Variants in FGF12 observed in about 807,000 individuals in gnomAD.
FGF12 encodes the protein fibroblast growth factor 12B.
A neutral mutation model predicts 23.6 loss-of-function variants in FGF12; 14 were observed. The ratio of observed to expected loss-of-function variants is 0.59; its 90% confidence interval spans 0.39 to 0.93. The LOEUF (loss-of-function observed/expected upper bound fraction) is 0.93, where lower values mean the gene tolerates loss of function less well. Ranked by LOEUF, FGF12 falls within the 40% of genes least tolerant of loss-of-function variation. The pLI is 0.00. For missense variants in FGF12, 175 were observed against 217.8 expected (o/e 0.80, Z 1.24); for synonymous variants, 62 against 77.3 (o/e 0.80, Z 1.04).
intron 2 of FGF12, among the ~76,000 whole-genome samples, chr3:192,375,686 C>G (rs1230384527): frequency 6.6e-6 from 1 of 150,502 alleles, no homozygotes. Flanking sequence ...AGACTCAACC[C>G]CCTCTTTGTG....
chr3:192,493,655 C>A (rs2108827820), intron 2 of FGF12, among the ~76,000 whole-genome samples: 1 of 152,200 alleles, frequency 6.6e-6, no homozygotes, highest in South Asian at 2.1e-4. Context: ...AACTTACAAT[C>A]ACGGCAGAAG....
intron 4 of FGF12, among the ~76,000 whole-genome samples, chr3:192,204,743 G>C (rs573821061): frequency 3.6e-4 from 55 of 152,152 alleles, no homozygotes; most frequent in Non-Finnish European, 5.3e-4. Context: ...AAAATGAGCT[G>C]GGCGTGGTAG....
intron 2 of FGF12, among the ~76,000 whole-genome samples, chr3:192,386,291 T>C (rs938104157): frequency 2.6e-5 from 4 of 152,218 alleles, no homozygotes; most frequent in Admixed American, 2.6e-4. Context: ...TGTTGGTGTG[T>C]AATTATACAT....
chr3:192,538,706 T>C (rs1000737742), intron 2 of FGF12, among the ~76,000 whole-genome samples: 1 of 152,200 alleles, frequency 6.6e-6, no homozygotes, highest in Non-Finnish European at 1.5e-5. Context: ...AGGACTTGCA[T>C]GGAGTCTGTA....
rs1721100906 is a variant in FGF12 at position 192,409,286 on chromosome 3, C to T, written c.14-48748G>A. Among the ~76,000 whole-genome samples, 1 of 152,210 alleles carries T rather than the reference C, an allele frequency of 6.6e-6. No homozygotes were observed. Among genetic ancestry groups the T allele is most frequent in the Non-Finnish European group, 1.5e-5 (1 of 68,036 alleles). On this transcript the variant is annotated intron_variant, in intron 2 of 5. Coordinates refer to ENST00000445105, the MANE Select transcript of FGF12 (RefSeq NM_004113.6). This position sits in a 1 kb window ranked among gnomAD's most constrained non-coding sequence, Gnocchi z 4.8. ...TTAAATAAGCCCCCTCAAAAGGCAG[C>T]GATGCCGAAGGTGTCCTCTCCAGCT...
chr3:192,275,143 A>G (rs1713699475), intron 4 of FGF12, among the ~76,000 whole-genome samples: 1 of 152,154 alleles, frequency 6.6e-6, no homozygotes, highest in African/African-American at 2.4e-5. Context: ...ATAGGAAGCC[A>G]TTCGTTTAGA....
Position 192,330,151 on chromosome 3 carries a change from G to T in FGF12, c.228+5210C>A, listed in dbSNP as rs75420054. 4.0e-3 allele frequency among the ~76,000 whole-genome samples: 601 copies of T among 152,028 alleles called. 2 individuals are homozygous for T. The highest frequency in any genetic ancestry group is 0.014 in the African/African-American group (575 of 41,458). On this transcript the variant is annotated intron_variant, in intron 4 of 5. Transcript: ENST00000445105. ...ATATTCTTCAAATGTCCATACTACC[G>T]GAGACAATCTACATATTCAATACAA... is the stretch of plus-strand genomic sequence containing the variant.
chr3:192,461,914 C>T (rs550340270), intron 2 of FGF12, among the ~76,000 whole-genome samples: 86 of 151,666 alleles, frequency 5.7e-4, no homozygotes, highest in African/African-American at 2.0e-3. Context: ...CGCTTGAACC[C>T]GGGAGGTGGA....
chr3:192,308,853 T>C (rs927473522), intron 4 of FGF12, among the ~76,000 whole-genome samples: 3 of 152,180 alleles, frequency 2.0e-5, no homozygotes, highest in Admixed American at 6.5e-5. Flanking sequence ...GAATGTTAAA[T>C]ATTCTAGAAT....
intron 4 of FGF12, among the ~76,000 whole-genome samples, chr3:192,274,105 T>C (rs1361423016): frequency 6.6e-6 from 1 of 152,160 alleles, no homozygotes; most frequent in African/African-American, 2.4e-5. Flanking sequence ...TACTCTATTT[T>C]TAAAGGTACT....
intron 2 of FGF12, among the ~76,000 whole-genome samples, chr3:192,709,451 G>A (rs1024076810): frequency 4.6e-5 from 7 of 152,176 alleles, no homozygotes; most frequent in Non-Finnish European, 5.9e-5. Context: ...CAGAGCTACT[G>A]ATTAAAATTT....
intron 4 of FGF12, among the ~76,000 whole-genome samples, chr3:192,236,564 A>G (rs1458001888): frequency 2.0e-5 from 3 of 152,196 alleles, no homozygotes; most frequent in Non-Finnish European, 4.4e-5. Flanking sequence ...CATATTTAGT[A>G]TAGTTTTCAT....
chr3:192,426,557 C>T (rs1445201994), intron 2 of FGF12, among the ~76,000 whole-genome samples: 1 of 152,066 alleles, frequency 6.6e-6, no homozygotes, highest in African/African-American at 2.4e-5. Context: ...TTATATTTTA[C>T]CCCAGAGATG....
At position 192,258,141 on chromosome 3, in the gene FGF12, A is replaced by G. The variant is rs140078332; in HGVS notation, c.228+77220T>C. ...AGGAAAATTTTGCATGAGGAAAAAT[A>G]TAAGACACGACAATAAATATAATTT... On this transcript the variant is annotated intron_variant, in intron 4 of 5. Transcript: ENST00000445105. Among the ~76,000 whole-genome samples the G allele has an allele frequency of 7.4e-3, 1,123 of 152,222 alleles. 14 individuals carry two copies. Among genetic ancestry groups the G allele is most frequent in the African/African-American group, 0.025 (1,057 of 41,540 alleles).
At chr3:192,528,125 C>T (rs1171516100) in intron 2 of FGF12, among the ~76,000 whole-genome samples, 1 of 152,158 alleles carries the variant, frequency 6.6e-6, no homozygotes, top group Non-Finnish European at 1.5e-5. Context: ...AGTCATAACT[C>T]ATTTCAGCAT....
chr3:192,507,371 ACACACACACATAC>A (rs902004131), intron 2 of FGF12, among the ~76,000 whole-genome samples: 2 of 149,828 alleles, frequency 1.3e-5, no homozygotes, highest in Non-Finnish European at 3.0e-5. Flanking sequence ...ACACACACAC[ACACACACACATAC>A]AAGCACACAG....
intron 5 of FGF12, among the ~76,000 whole-genome samples, chr3:192,156,985 G>T (rs193210725): frequency 1.3e-5 from 2 of 152,166 alleles, no homozygotes; most frequent in East Asian, 3.9e-4. Flanking sequence ...AGCTATCGTA[G>T]ATTGAAACGG....
intron 2 of FGF12, among the ~76,000 whole-genome samples, chr3:192,549,793 C>G (rs749823263): frequency 5.9e-5 from 9 of 152,148 alleles, no homozygotes; most frequent in Non-Finnish European, 1.2e-4. Context: ...TTTCAGCCTT[C>G]AGACTCAAAC....
intron 2 of FGF12, among the ~76,000 whole-genome samples, chr3:192,403,348 G>A (rs1417729531): frequency 6.6e-6 from 1 of 151,950 alleles, no homozygotes; most frequent in African/African-American, 2.4e-5. Flanking sequence ...ACTTAATCTC[G>A]AGTTACGTCT....
Sources: allele counts gnomAD v4.1 joint callset (sites outside exome capture counted in the v4.1 genomes callset), GRCh38; gene constraint gnomAD v4.1.1; non-coding constraint Gnocchi (gnomAD v3.1); transcripts MANE v1.5; gene names NCBI Gene and HGNC (gene_info 2026-07-23, HGNC 2026-07-21).